TTC28: variants seen among roughly 807,000 people sequenced by gnomAD.
The protein encoded by TTC28 is tetratricopeptide repeat protein 28.
Under a neutral mutation model 198.0 loss-of-function variants are expected in TTC28, and 61 were observed. That is an observed-to-expected ratio of 0.31 (90% CI 0.25 to 0.38). The LOEUF is 0.38. Among genes scored for constraint, TTC28 ranks in the 10% least tolerant of loss-of-function variants. The pLI is 1.00. For missense variants in TTC28, 2,678 were observed against 3,164.0 expected (o/e 0.85, Z 3.69); for synonymous variants, 1,171 against 1,297.8 (o/e 0.90, Z 2.10).
intron 5 of TTC28, among the ~76,000 whole-genome samples, chr22:28,267,685 T>C (rs1435761697): frequency 6.6e-6 from 1 of 152,216 alleles, no homozygotes; most frequent in South Asian, 2.1e-4. Context: ...AACCTAGTAC[T>C]ATTAATCCTA....
At chr22:28,538,929 T>G (rs1411606456) in intron 2 of TTC28, among the ~76,000 whole-genome samples, 2 of 152,154 alleles carry the variant, frequency 1.3e-5, no homozygotes, top group Admixed American at 6.5e-5. Context: ...TTTAAAGAAC[T>G]TGTGTGAACT....
chr22:28,222,205 T>C (rs1927928293), intron 5 of TTC28, among the ~76,000 whole-genome samples: 1 of 152,240 alleles, frequency 6.6e-6, no homozygotes, highest in South Asian at 2.1e-4. Context: ...AAATCTTTTA[T>C]GGACAAACTG....
In TTC28 at chr22:28,358,378, A is replaced by G. The variant is rs572412064; in HGVS notation, c.382-51735T>C. 2.0e-4 allele frequency among the ~76,000 whole-genome samples: 30 copies of G among 152,274 alleles called. No homozygotes were observed. In the South Asian group the frequency reaches 5.0e-3, roughly 25 times the overall value. On this transcript the variant is annotated intron_variant, in intron 2 of 22. Coordinates refer to ENST00000397906, the MANE Select transcript of TTC28 (RefSeq NM_001145418.2). ...ACAGGCTCTATTACTAGCTCTTTTT[A>G]TCCATCTCGAGGTAGAAAAGCCATA...
At chr22:28,115,386 A>T (rs1015895598) in intron 6 of TTC28, among the ~76,000 whole-genome samples, 1 of 152,216 alleles carries the variant, frequency 6.6e-6, no homozygotes, top group African/African-American at 2.4e-5. Flanking sequence ...AAAGACAGGC[A>T]TGATTCTGTG....
At chr22:28,129,700 A>T (rs1943009964) in intron 6 of TTC28, among the ~76,000 whole-genome samples, 1 of 152,208 alleles carries the variant, frequency 6.6e-6, no homozygotes, top group South Asian at 2.1e-4. Context: ...TCTTCACCTC[A>T]GGGGAAATGA....
intron 1 of TTC28, among the ~76,000 whole-genome samples, chr22:28,640,039 G>A (rs571690838): frequency 5.8e-4 from 88 of 152,234 alleles, no homozygotes; most frequent in African/African-American, 2.1e-3. Context: ...AGGTGCAGTG[G>A]CTCAAGTCTG....
chr22:28,152,336 C>A (rs1474412862), intron 6 of TTC28, among the ~76,000 whole-genome samples: 1 of 152,128 alleles, frequency 6.6e-6, no homozygotes, highest in African/African-American at 2.4e-5. Flanking sequence ...CTTCCTTTTT[C>A]ATCTTCTTGT....
intron 2 of TTC28, among the ~76,000 whole-genome samples, chr22:28,472,069 A>C (rs1052139621): frequency 3.9e-5 from 6 of 152,178 alleles, no homozygotes; most frequent in African/African-American, 1.4e-4. Context: ...GCCTTTCCTG[A>C]ATAGCTAATA....
chr22:28,365,409 A>T (rs1212863568), intron 2 of TTC28, among the ~76,000 whole-genome samples: 5 of 152,232 alleles, frequency 3.3e-5, no homozygotes. Flanking sequence ...AATGAAACAT[A>T]AGCATCATTA....
intron 2 of TTC28, among the ~76,000 whole-genome samples, chr22:28,355,373 T>C (rs1277358076): frequency 2.0e-5 from 3 of 152,206 alleles, no homozygotes; most frequent in African/African-American, 7.2e-5. Context: ...CAAGTTTAAA[T>C]TGATTTTATG....
chr22:28,336,928 T>A (rs922649827), intron 2 of TTC28, among the ~76,000 whole-genome samples: 3 of 152,234 alleles, frequency 2.0e-5, no homozygotes, highest in Non-Finnish European at 4.4e-5. Flanking sequence ...TTAATTGTGA[T>A]GTTAGGCTGT....
intron 2 of TTC28, among the ~76,000 whole-genome samples, chr22:28,314,012 AG>A (rs1400376980): frequency 1.3e-5 from 2 of 152,220 alleles, no homozygotes; most frequent in Admixed American, 1.3e-4. Context: ...ACTTCAGCAA[AG>A]TCTCAGGATA....
intron 1 of TTC28, among the ~76,000 whole-genome samples, chr22:28,642,237 G>C (rs931728508): frequency 6.6e-6 from 1 of 151,104 alleles, no homozygotes; most frequent in Non-Finnish European, 1.5e-5. Context: ...AGTAGGGGGA[G>C]GAAAGGGAAC....
chr22:28,279,883 A>G (rs1211600363), intron 5 of TTC28, among the ~76,000 whole-genome samples: 1 of 152,232 alleles, frequency 6.6e-6, no homozygotes, highest in African/African-American at 2.4e-5. Flanking sequence ...ATTATAAAGT[A>G]TGTCCTCTTT....
chr22:28,467,946 T>C (rs2048046267), intron 2 of TTC28, among the ~76,000 whole-genome samples: 1 of 151,922 alleles, frequency 6.6e-6, no homozygotes, highest in Admixed American at 6.6e-5. Context: ...CTTTTTTTTT[T>C]CTTTCGTAAA....
At chr22:28,154,412 C>G (rs955816139) in intron 6 of TTC28, among the ~76,000 whole-genome samples, 1 of 146,300 alleles carries the variant, frequency 6.8e-6, no homozygotes, top group Non-Finnish European at 1.5e-5. Context: ...AGTGCAGTGG[C>G]GCGATCTCGG....
intron 1 of TTC28, among the ~76,000 whole-genome samples, chr22:28,655,195 T>TAATAAAAGAA (rs1381766528): frequency 1.3e-5 from 2 of 152,158 alleles, no homozygotes; most frequent in Non-Finnish European, 2.9e-5. Flanking sequence ...ACACTGAACA[T>TAATAAAAGAA]AATAAAAGAA....
intron 2 of TTC28, among the ~76,000 whole-genome samples, chr22:28,614,954 T>G (rs978629295): frequency 2.0e-5 from 3 of 152,022 alleles, no homozygotes; most frequent in African/African-American, 7.2e-5. Flanking sequence ...AGGATCTAAT[T>G]AAACTAAAGA....
intron 2 of TTC28, among the ~76,000 whole-genome samples, chr22:28,463,169 CAG>C (rs1362410419): frequency 3.9e-5 from 6 of 152,222 alleles, no homozygotes; most frequent in African/African-American, 1.4e-4. Flanking sequence ...TTGAAAGAAA[CAG>C]AGCTGGAACT....
Sources: gnomAD v4.1 joint callset for allele counts (sites outside exome capture counted in the v4.1 genomes callset) on GRCh38, gnomAD v4.1.1 for gene constraint, MANE v1.5 for transcripts, NCBI Gene and HGNC (gene_info 2026-07-23, HGNC 2026-07-21) for gene names.